INPP4B: variants seen among roughly 807,000 people sequenced by gnomAD.
INPP4B encodes the protein inositol polyphosphate-4-phosphatase type II B.
In INPP4B, 55 loss-of-function variants were observed where a neutral mutation model predicts 122.5. The observed-to-expected ratio is 0.45, with a 90% CI of 0.36 to 0.56. The LOEUF (loss-of-function observed/expected upper bound fraction) is 0.56, where lower values mean the gene tolerates loss of function less well. Ranked by LOEUF, INPP4B falls within the 20% of genes least tolerant of loss-of-function variation. The pLI is 0.00. For synonymous variants in INPP4B, 403 were observed against 388.7 expected (o/e 1.04, Z -0.43); for missense variants, 1,000 against 1,097.7 (o/e 0.91, Z 1.26).
intron 2 of INPP4B, among the ~76,000 whole-genome samples, chr4:142,617,104 AT>A (rs1248991666): frequency 6.6e-6 from 1 of 152,144 alleles, no homozygotes; most frequent in African/African-American, 2.4e-5. Flanking sequence ...TAGAATAAAA[AT>A]TTAAAAAATA....
At chr4:142,346,920 T>G (rs1358186369) in intron 7 of INPP4B, among the ~76,000 whole-genome samples, 1 of 152,038 alleles carries the variant, frequency 6.6e-6, no homozygotes, top group East Asian at 1.9e-4. Flanking sequence ...CCAGTTCAAT[T>G]TCATGACTGA....
At chr4:142,220,117 T>C (rs1226223650) in intron 12 of INPP4B, among the ~76,000 whole-genome samples, 1 of 152,228 alleles carries the variant, frequency 6.6e-6, no homozygotes, top group East Asian at 1.9e-4. Flanking sequence ...ACTTCGTTGA[T>C]GCCACATTGC....
At chr4:142,360,049 T>C (rs995919668) in intron 7 of INPP4B, among the ~76,000 whole-genome samples, 9 of 152,024 alleles carry the variant, frequency 5.9e-5, no homozygotes, top group African/African-American at 1.9e-4. Flanking sequence ...AAATTTCATA[T>C]ATAAGAGGGC....
intron 2 of INPP4B, among the ~76,000 whole-genome samples, chr4:142,697,733 G>A (rs1296823019): frequency 2.0e-5 from 3 of 152,156 alleles, no homozygotes; most frequent in Non-Finnish European, 4.4e-5. Flanking sequence ...AATATCATGA[G>A]TTATTCAGAT....
intron 2 of INPP4B, among the ~76,000 whole-genome samples, chr4:142,530,550 C>CATATATATATATATATATAT (rs35595178): frequency 6.4e-5 from 9 of 140,464 alleles, no homozygotes; most frequent in African/African-American, 1.9e-4. Context: ...TATGTGTGTG[C>CATATATATATATATATATAT]ATATATATAT....
At chr4:142,312,636 G>A (rs969894538) in intron 8 of INPP4B, among the ~76,000 whole-genome samples, 4 of 152,132 alleles carry the variant, frequency 2.6e-5, no homozygotes, top group African/African-American at 4.8e-5. Flanking sequence ...GTACATGTGC[G>A]TTTCATGTAT....
Position 142,349,556 on chromosome 4 carries a change from G to C in INPP4B, c.373-34794C>G, listed in dbSNP as rs548039912. Among the ~76,000 whole-genome samples, 26 of 152,052 alleles carry C rather than the reference G, an allele frequency of 1.7e-4. No individual in the cohort carries two copies. In the South Asian group the frequency reaches 3.3e-3, roughly 19 times the overall value. On this transcript the variant is annotated intron_variant, in intron 7 of 25. Transcript: ENST00000262992. ...TCAGCTTTTCCATTTTCTTGCAAAG[G>C]TGAAGAATGTTTCAGTTTAATATAA...
chr4:142,581,774 A>G (rs944832603), intron 2 of INPP4B, among the ~76,000 whole-genome samples: 1 of 151,932 alleles, frequency 6.6e-6, no homozygotes, highest in Non-Finnish European at 1.5e-5. Flanking sequence ...TAGGCATATC[A>G]TTTTGCATAT....
intron 1 of INPP4B, among the ~76,000 whole-genome samples, chr4:142,742,234 TA>T (rs1413526734): frequency 6.6e-6 from 1 of 151,968 alleles, no homozygotes; most frequent in Admixed American, 6.6e-5. Context: ...GCATGACTTA[TA>T]AAAGGATACC....
chr4:142,224,794 T>G (rs1561534005), intron 12 of INPP4B, among the ~76,000 whole-genome samples: 1 of 152,062 alleles, frequency 6.6e-6, no homozygotes, highest in Non-Finnish European at 1.5e-5. Context: ...TGTTTATCAC[T>G]GAAAAAATAT....
chr4:142,508,254 C>T (rs1035802012), intron 2 of INPP4B, among the ~76,000 whole-genome samples: 16 of 152,124 alleles, frequency 1.1e-4, no homozygotes, highest in Non-Finnish European at 1.8e-4. Flanking sequence ...TTTCCACTAG[C>T]TAGTCCAGTG....
At chr4:142,648,137 T>A (rs1752189538) in intron 2 of INPP4B, among the ~76,000 whole-genome samples, 1 of 152,274 alleles carries the variant, frequency 6.6e-6, no homozygotes. Flanking sequence ...AAGTAACATT[T>A]GCCTCCACTG....
chr4:142,552,882 T>C (rs566728559), intron 2 of INPP4B, among the ~76,000 whole-genome samples: 3 of 152,334 alleles, frequency 2.0e-5, no homozygotes, highest in Admixed American at 6.5e-5. Flanking sequence ...TCCTGCTCTA[T>C]AGTCCAGTCA....
intron 2 of INPP4B, among the ~76,000 whole-genome samples, chr4:142,597,184 G>A (rs996000327): frequency 2.6e-5 from 4 of 152,144 alleles, no homozygotes; most frequent in East Asian, 1.9e-4. Flanking sequence ...TCTTACCCCC[G>A]GAACTTGTAG....
At chr4:142,350,105 T>C (rs990647054) in intron 7 of INPP4B, among the ~76,000 whole-genome samples, 1 of 151,680 alleles carries the variant, frequency 6.6e-6, no homozygotes, top group East Asian at 1.9e-4. Flanking sequence ...AAAATTACCA[T>C]GAGATATGAG....
intron 2 of INPP4B, among the ~76,000 whole-genome samples, chr4:142,636,236 CTT>C (rs546043254): frequency 1.3e-3 from 191 of 152,248 alleles, no homozygotes; most frequent in African/African-American, 4.5e-3. Context: ...AATTAAACCT[CTT>C]TTCTTTATAA....
chr4:142,218,732 T>C (rs1443531413), intron 12 of INPP4B, among the ~76,000 whole-genome samples: 2 of 152,170 alleles, frequency 1.3e-5, no homozygotes, highest in South Asian at 2.1e-4. Flanking sequence ...ATGGTATGCA[T>C]GGGTAGAAAG....
At chr4:142,256,357 A>G (rs935301861) in intron 11 of INPP4B, among the ~76,000 whole-genome samples, 12 of 151,342 alleles carry the variant, frequency 7.9e-5, no homozygotes, top group Non-Finnish European at 1.5e-4. Flanking sequence ...CTAAAATCAG[A>G]GCAGAACTGA....
intron 2 of INPP4B, among the ~76,000 whole-genome samples, chr4:142,599,310 G>A (rs1430545209): frequency 2.0e-5 from 3 of 152,098 alleles, no homozygotes; most frequent in Non-Finnish European, 4.4e-5. Flanking sequence ...CCACCAATTG[G>A]GGCCCAAAGA....
Sources: gnomAD v4.1 joint callset for allele counts (sites outside exome capture counted in the v4.1 genomes callset) on GRCh38, gnomAD v4.1.1 for gene constraint, MANE v1.5 for transcripts, NCBI Gene and HGNC (gene_info 2026-07-23, HGNC 2026-07-21) for gene names.